Variants in TTN observed in about 807,000 individuals in gnomAD.
TTN encodes the protein connectin.
TTN carries 1,525 observed loss-of-function variants against 3,223.0 expected under a neutral mutation model. The ratio of observed to expected loss-of-function variants is 0.47; its 90% CI spans 0.45 to 0.49. The LOEUF (loss-of-function observed/expected upper bound fraction) is 0.49, where lower values mean the gene tolerates loss of function less well. TTN is among the 20% of genes least tolerant of loss of function. The pLI, the probability that TTN is intolerant of heterozygous loss-of-function variation, is 0.00. For synonymous variants in TTN, 14,094 were observed against 15,161.0 expected, an observed-to-expected ratio of 0.93 and a Z score of 5.17; for missense variants, 40,786 against 43,424.0, an observed-to-expected ratio of 0.94 and a Z score of 5.40.
Position 178,593,685 on chromosome 2 carries a change from A to G in TTN, c.58615T>C (p.Cys19539Arg), listed in dbSNP as rs753678261. Residue 19539 changes from cysteine to arginine, a missense_variant, in exon 298 of 363, where the codon TGC becomes CGC. Physicochemically the swap from Cys to Arg is radical, Grantham distance 180. Transcript: ENST00000589042. ...CCTTCAAGTAGTTTAGAAACTTTGC[A>G]TGTTGTTTTAGCACTTGCAGATGTC... ...PVTSASAKTT[C>R]KVSKLLEGKD... The G allele has an allele frequency of 1.1e-5, 17 of 1,613,248 alleles. No individual in the cohort carries two copies. The East Asian group carries it at 3.6e-4, about 34-fold the overall frequency.
Position 178,634,272 on chromosome 2 carries a change from C to T in TTN, c.42415+94G>A. ...ACACTGTGAAAGTTAATTAGTGATG[C>T]ATTATCACAGCTTTTAGAACTTGGC... On this transcript the variant is annotated intron_variant, in intron 230 of 362. Transcript: ENST00000589042. The surrounding 1 kb of genome is among the most constrained non-coding windows in gnomAD (Gnocchi z 4.6). 6.6e-7 allele frequency: 1 copy of T among 1,511,734 alleles called. No homozygotes were observed. The highest frequency in any genetic ancestry group is 8.8e-7 in the Non-Finnish European group (1 of 1,136,498). 93.6% of individuals were successfully genotyped at this position (1,511,734 alleles called of 1,614,324 possible). A position where few individuals can be genotyped will look rare whatever the true frequency, so the allele number is the denominator to read the frequency against.
At chr2:178,792,966 C>T (rs780311643) in intron 9 of TTN, among the ~76,000 whole-genome samples, 23 of 152,232 alleles carry the variant, frequency 1.5e-4, no homozygotes, top group Non-Finnish European at 2.9e-4. Context: ...GTCCATTCCA[C>T]TTCAAACTCA....
intron 149 of TTN, chr2:178,675,355 TTGTC>T: frequency 2.5e-6 from 1 of 393,210 alleles, no homozygotes. Context: ...CTTTTTTCTT[TTGTC>T]TTTTTTTTTT....
intron 127 of TTN, 48 bp from the exon 128 acceptor site, chr2:178,685,646 G>C (rs768800184): frequency 8.3e-6 from 13 of 1,569,492 alleles, no homozygotes; most frequent in Middle Eastern, 1.7e-4. Flanking sequence ...TGTTTTTCAT[G>C]TTTATTTTTA....
Position 178,725,955 on chromosome 2 carries a change from CG to C in TTN, c.20366del (p.Pro6789ArgfsTer60). 1 of 1,612,408 alleles carries C rather than the reference CG, an allele frequency of 6.2e-7. No homozygotes were observed. The highest frequency in any genetic ancestry group is 1.1e-5 in the South Asian group (1 of 90,850). ...TGTCTTTGTACCATACCACCTCAAA[CG>C]GTGGTGTTCCCGAAAGTTCACATTC... ...SLECELSGTP[P>X]FEVVWYKDKR... is the part of the protein sequence containing the mutation. On this transcript the variant is annotated frameshift_variant, in exon 70 of 363. Coordinates refer to ENST00000589042, the MANE Select transcript of TTN (RefSeq NM_001267550.2). LOFTEE classifies it high-confidence loss of function.
In TTN at chr2:178,727,226, C is replaced by G. The variant is rs375668907; in HGVS notation, c.20139G>C (p.Lys6713Asn). The G allele has an allele frequency of 1.5e-5, 25 of 1,613,110 alleles. No homozygotes were observed. The highest frequency in any genetic ancestry group is 3.3e-5 in the Admixed American group (2 of 59,930). The change falls in exon 69 of 363, where the codon AAG (lysine) becomes AAC (asparagine). Residue 6713 changes from lysine (K) to asparagine (N), a missense_variant. Transcript: ENST00000589042. ...RNEHELPASD[K>N]YRMTFIDSVA... ...CTGAGTCAATGAAAGTCATTCTGTA[C>G]TTATCACTGGCTGGAAGTTCATGTT...
rs765786694 is a variant in TTN, at chr2:178,562,131, G to A, written c.84001C>T (p.Gln28001Ter). 1 of 1,613,164 alleles carries A rather than the reference G, an allele frequency of 6.2e-7. No homozygotes were observed. The highest frequency in any genetic ancestry group is 1.7e-5 in the Admixed American group (1 of 59,944). The change falls in exon 326 of 363, where the codon CAG (glutamine) becomes TAG (stop). Residue 28001 changes from glutamine to a stop codon, truncating the protein, a stop_gained. Coordinates refer to ENST00000589042, the MANE Select transcript of TTN (RefSeq NM_001267550.2). LOFTEE classifies it high-confidence loss of function. ...ACTCTAGTTGTCTCTTTAAGAGTCT[G>A]ACCATCTTTTCTCCAGTTCACAGTA... ...QATVNWRKDGQTLKETTRVNV... is the reference protein window; with the variant it reads ...QATVNWRKDG
At chr2:178,696,332 A>G in intron 113 of TTN, 63 bp from the exon 114 acceptor site, 1 of 1,315,092 alleles carries the variant, frequency 7.6e-7, no homozygotes, top group Middle Eastern at 2.5e-4. Context: ...TCACTAAACA[A>G]AAATCTACCT....
chr2:178,756,477 G>A lies in TTN; in HGVS notation c.10999C>T (p.Gln3667Ter), dbSNP rs2087000497. The A allele has an allele frequency of 6.2e-7, 1 of 1,613,790 alleles. No homozygotes were observed. The highest frequency in any genetic ancestry group is 8.5e-7 in the Non-Finnish European group (1 of 1,179,802). ...GEAPKIFLHL[Q>*]DVTVKCGDTA... ...TCACCGCACTTTACAGTGACGTCCT[G>A]AAGATGCAGGAAAATCTTGGGCGCC... is the stretch of plus-strand genomic sequence containing the variant. Residue 3667 changes from glutamine (Q) to a stop codon, truncating the protein, a stop_gained, in exon 46 of 363, where the codon CAG becomes TAG. Transcript: ENST00000589042. LOFTEE classifies it high-confidence loss of function.
At chr2:178,762,991 G>A (rs2089604139) in intron 43 of TTN, among the ~76,000 whole-genome samples, 1 of 152,172 alleles carries the variant, frequency 6.6e-6, no homozygotes, top group Non-Finnish European at 1.5e-5. Context: ...ACCAACTGAA[G>A]TACTAACCTG....
intron 240 of TTN, 57 bp from the exon 241 acceptor site, chr2:178,625,453 T>C (rs969589941): frequency 6.9e-7 from 1 of 1,453,260 alleles, no homozygotes; most frequent in Non-Finnish European, 9.0e-7. Context: ...TGGGTGCATT[T>C]AATTCATTTA....
Position 178,559,593 on chromosome 2 carries a change from C to G in TTN, c.86539G>C (p.Gly28847Arg), listed in dbSNP as rs751088291. Residue 28847 changes from glycine to arginine, a missense_variant, in exon 326 of 363, where the codon GGT becomes CGT. Transcript: ENST00000589042. ...TLVVKVLDTP[G>R]PPTNITVQDV... ...TGCACAGTAATGTTGGTTGGAGGAC[C>G]TGGGGTATCTAAAACTTTGACAACT... is the stretch of plus-strand genomic sequence containing the variant. 1.2e-6 allele frequency: 2 copies of G among 1,613,638 alleles called. No individual in the cohort carries two copies. Among genetic ancestry groups the G allele is most frequent in the African/African-American group, 1.3e-5 (1 of 74,914 alleles).
Position 178,579,938 on chromosome 2 carries a change from C to T in TTN, c.67348+1G>A, listed in dbSNP as rs758279518. 9.9e-6 allele frequency: 16 copies of T among 1,612,954 alleles called. No homozygotes were observed. Among genetic ancestry groups the T allele is most frequent in the East Asian group, 4.5e-5 (2 of 44,746 alleles). On this transcript the variant is annotated splice_donor_variant, in intron 318 of 362. Coordinates refer to ENST00000589042, the MANE Select transcript of TTN (RefSeq NM_001267550.2). LOFTEE classifies it high-confidence loss of function. ...GATGGGATGATGGTTCATTTGCTTACGGGAAGCTTTGACAGCATCACGAGT... is the reference window on the plus strand; with the variant it reads ...GATGGGATGATGGTTCATTTGCTTATGGGAAGCTTTGACAGCATCACGAGT...
Position 178,780,987 on chromosome 2 carries a change from C to T in TTN, c.3523+134G>A. On this transcript the variant is annotated intron_variant, in intron 21 of 362. Coordinates refer to ENST00000589042, the MANE Select transcript of TTN (RefSeq NM_001267550.2). ...CATGTGGTCTAAAACATTTTCCATA[C>T]AACTGAGGCAAAGACACTGGGGCAA... 6 of 1,170,588 alleles carry T rather than the reference C, an allele frequency of 5.1e-6. No individual in the cohort carries two copies. The South Asian group carries it at 6.5e-5, about 13-fold the overall frequency. 72.5% of individuals were successfully genotyped at this position (1,170,588 alleles called of 1,614,324 possible).
At chr2:178,736,108 T>C in intron 49 of TTN, 34 bp from the exon 50 acceptor site, 2 of 1,517,114 alleles carry the variant, frequency 1.3e-6, no homozygotes, top group Non-Finnish European at 1.8e-6. Flanking sequence ...TTACATTTAG[T>C]CCCCACCAAA....
chr2:178,606,212 C>T (rs1454914790), intron 278 of TTN, among the ~76,000 whole-genome samples: 1 of 151,992 alleles, frequency 6.6e-6, no homozygotes, highest in Non-Finnish European at 1.5e-5. Flanking sequence ...AAGGACCAAA[C>T]TAAGAGTTAA....
intron 34 of TTN, chr2:178,770,934 A>C (rs1368982691): frequency 2.6e-6 from 2 of 773,444 alleles, no homozygotes; most frequent in African/African-American, 3.4e-5. Context: ...GCAGCATAAT[A>C]GACTGATTGG....
intron 215 of TTN, 70 bp from the exon 216 acceptor site, chr2:178,646,629 C>G (rs1049736273): frequency 3.6e-6 from 3 of 835,446 alleles, no homozygotes; most frequent in Non-Finnish European, 5.8e-6. Context: ...ATACAAATTT[C>G]ACATTGATGC....
Position 178,562,970 on chromosome 2 carries a change from T to A in TTN, c.83162A>T (p.Gln27721Leu). 6.2e-7 allele frequency: 1 copy of A among 1,613,728 alleles called. No homozygotes were observed. Among genetic ancestry groups the A allele is most frequent in the Non-Finnish European group, 8.5e-7 (1 of 1,179,754 alleles). ...KAEGILTDRA[Q>L]IEVTSSFTML... ...TGTAAATGAGCTGGTCACCTCTATC[T>A]GAGCCCTGTCAGTGAGAATGCCTTC... The change falls in exon 326 of 363, where the codon CAG (glutamine) becomes CTG (leucine). Residue 27721 changes from glutamine (Q) to leucine (L), a missense_variant. Transcript: ENST00000589042.
Sources: allele counts gnomAD v4.1 joint callset (sites outside exome capture counted in the v4.1 genomes callset), GRCh38; gene constraint gnomAD v4.1.1; non-coding constraint Gnocchi (gnomAD v3.1); transcripts MANE v1.5; gene names NCBI Gene and HGNC (gene_info 2026-07-23, HGNC 2026-07-21).